The following CA1 variants were observed in gnomAD, a reference collection of about 807,000 sequenced individuals.
CA1 encodes carbonic anhydrase 1.
CA1 carries 27 observed loss-of-function variants against 28.8 expected under a neutral mutation model. That is an observed-to-expected ratio of 0.94 (90% CI 0.69 to 1.29). The LOEUF (loss-of-function observed/expected upper bound fraction) is 1.29, where lower values mean the gene tolerates loss of function less well. CA1 is among the 50% of genes most tolerant of loss of function. The pLI, the probability that CA1 is intolerant of heterozygous loss-of-function variation, is 0.00. For missense variants in CA1, 335 were observed against 310.5 expected, an observed-to-expected ratio of 1.08 and a Z score of -0.59; for synonymous variants, 121 against 108.8, an observed-to-expected ratio of 1.11 and a Z score of -0.70.
At chr8:85,336,180 CATG>C (rs756514641) in intron 4 of CA1, among the ~76,000 whole-genome samples, 4 of 151,934 alleles carry the variant, frequency 2.6e-5, no homozygotes, top group African/African-American at 7.3e-5. Flanking sequence ...TAAAAATTGT[CATG>C]ATAAGTGGGT....
At chr8:85,355,034 G>T (rs1809552428) in intron 1 of CA1, among the ~76,000 whole-genome samples, 1 of 152,130 alleles carries the variant, frequency 6.6e-6, no homozygotes, top group South Asian at 2.1e-4. Context: ...CCTGTGTCAG[G>T]ATGTATGTCC....
intron 1 of CA1, among the ~76,000 whole-genome samples, chr8:85,352,977 T>C (rs1435885627): frequency 4.6e-5 from 7 of 152,174 alleles, no homozygotes; most frequent in Non-Finnish European, 1.0e-4. Flanking sequence ...CTCAAGTGAC[T>C]GCTTAGACCA....
rs755226241 is a variant in CA1, at chr8:85,329,814, G to A, written c.544C>T (p.Pro182Ser). 9 of 1,598,644 alleles carry A rather than the reference G, an allele frequency of 5.6e-6. No individual in the cohort carries two copies. The African/African-American group carries it at 1.2e-4, about 21-fold the overall frequency. The change falls in exon 7 of 8, where the codon CCC becomes TCC. Residue 182 changes from proline to serine, a missense_variant. Transcript: ENST00000523022. Reference protein sequence around the residue: ...GKRAPFTNFDPSTLLPSSLDF... With the variant: ...GKRAPFTNFDSSTLLPSSLDF... ...AGGGATGAAGGAAGGAGAGTAGAGGGGTCAAAATTTGTGAATGGGGCTCGT... is the reference window on the plus strand; with the variant it reads ...AGGGATGAAGGAAGGAGAGTAGAGGAGTCAAAATTTGTGAATGGGGCTCGT...
Position 85,327,921 on chromosome 8 carries a change from C to T in CA1, c.*639G>A, listed in dbSNP as rs1564015607. 2 of 152,144 alleles carry T rather than the reference C, an allele frequency of 1.3e-5. No homozygotes were observed. Among genetic ancestry groups the T allele is most frequent in the Non-Finnish European group, 1.5e-5 (1 of 68,042 alleles). The allele number at this position is 152,144 out of a possible 1,614,324, so 9.4% of individuals were successfully genotyped here. A position where few individuals can be genotyped will look rare whatever the true frequency, so the allele number is the denominator to read the frequency against. On this transcript the variant is annotated 3_prime_UTR_variant, in exon 8 of 8. Transcript: ENST00000523022. Reference sequence around the variant, plus strand: ...GGCAGAGAAGCATTGTCCTTGCTAACGTGGGGAGAAGAAGTGAAAGCAATA... The same window carrying T: ...GGCAGAGAAGCATTGTCCTTGCTAATGTGGGGAGAAGAAGTGAAAGCAATA...
At chr8:85,352,920 C>A (rs750177142) in intron 1 of CA1, among the ~76,000 whole-genome samples, 2 of 152,246 alleles carry the variant, frequency 1.3e-5, no homozygotes, top group African/African-American at 4.8e-5. Flanking sequence ...GGACCTCTTA[C>A]ACCATCCTAT....
rs1435619914 is a variant in CA1, at chr8:85,365,939, G to A, written c.-25+12107C>T. Among the ~76,000 whole-genome samples, 3 of 152,168 alleles carry A rather than the reference G, an allele frequency of 2.0e-5. No homozygotes were observed. In the South Asian group the frequency reaches 6.2e-4, roughly 32 times the overall value. On this transcript the variant is annotated intron_variant, in intron 1 of 7. Coordinates refer to ENST00000523022, the MANE Select transcript of CA1 (RefSeq NM_001128831.4). ...GGTACAGGGTTGATGTTTTGCCCTG[G>A]GATAAGGAACTCAGAACCCTTGGCT...
At chr8:85,337,330 A>G (rs1436981078) in intron 3 of CA1, 9 of 446,514 alleles carry the variant, frequency 2.0e-5, no homozygotes, top group African/African-American at 4.0e-5. Context: ...TCTAACTCCT[A>G]GAAAGCATAT....
In CA1 at chr8:85,328,628, C is replaced by G. The variant is rs1342801960; in HGVS notation, c.718G>C (p.Val240Leu). Residue 240 changes from valine to leucine, a missense_variant, in exon 8 of 8, where the codon GTC becomes CTC. Transcript: ENST00000523022. ...GGGCGGTTGTTGTGCTGCATGGGGA[C>G]AGCGTTATCACCTTCAACATTTGAT... ...LLSNVEGDNA[V>L]PMQHNNRPTQ... The G allele has an allele frequency of 1.9e-6, 3 of 1,611,486 alleles. No individual in the cohort carries two copies. Among genetic ancestry groups the G allele is most frequent in the Non-Finnish European group, 2.5e-6 (3 of 1,178,246 alleles).
intron 1 of CA1, among the ~76,000 whole-genome samples, chr8:85,372,998 G>A (rs780639497): frequency 3.3e-5 from 5 of 152,212 alleles, no homozygotes; most frequent in Non-Finnish European, 7.3e-5. Context: ...GAAGCCATCA[G>A]TCCTTCCTTT....
intron 1 of CA1, among the ~76,000 whole-genome samples, chr8:85,362,285 C>A (rs1268308587): frequency 1.3e-5 from 2 of 152,144 alleles, no homozygotes; most frequent in Non-Finnish European, 2.9e-5. Context: ...GAATAATCTC[C>A]CATCTCAGGA....
intron 1 of CA1, among the ~76,000 whole-genome samples, chr8:85,351,529 CA>C (rs1285908693): frequency 6.6e-6 from 1 of 152,156 alleles, no homozygotes; most frequent in Non-Finnish European, 1.5e-5. Context: ...GACATCCACT[CA>C]AAAAACAGCC....
intron 1 of CA1, among the ~76,000 whole-genome samples, chr8:85,351,514 A>G (rs763372257): frequency 6.6e-6 from 1 of 152,240 alleles, no homozygotes; most frequent in Non-Finnish European, 1.5e-5. Flanking sequence ...GTATGAGATG[A>G]GTATGACATC....
chr8:85,337,094 G>T, intron 3 of CA1, 31 bp from the exon 4 acceptor site: 1 of 1,165,896 alleles, frequency 8.6e-7, no homozygotes, highest in Non-Finnish European at 1.3e-6. Flanking sequence ...TTGTTAGCCT[G>T]ATGCTCCACA....
chr8:85,338,016 G>A, intron 3 of CA1: 1 of 661,198 alleles, frequency 1.5e-6, no homozygotes, highest in Non-Finnish European at 2.8e-6. Context: ...GGAATGACGA[G>A]AAGAGACGTG....
At chr8:85,352,665 C>T (rs957436596) in intron 1 of CA1, among the ~76,000 whole-genome samples, 4 of 141,240 alleles carry the variant, frequency 2.8e-5, no homozygotes. Context: ...CCCTCAGCTC[C>T]ATTTTTTTTT....
chr8:85,339,390 T>C (rs576348831), intron 2 of CA1, among the ~76,000 whole-genome samples: 4 of 152,322 alleles, frequency 2.6e-5, no homozygotes, highest in Non-Finnish European at 4.4e-5. Flanking sequence ...CCATAAACCA[T>C]GTCCAAGTAA....
chr8:85,336,828 C>T, intron 4 of CA1, 117 bp downstream of exon 4: 1 of 764,384 alleles, frequency 1.3e-6, no homozygotes, highest in Non-Finnish European at 2.4e-6. Context: ...CTGGGAGTTC[C>T]TTACTGGAAT....
chr8:85,359,753 G>A (rs1247266913), intron 1 of CA1, among the ~76,000 whole-genome samples: 1 of 152,230 alleles, frequency 6.6e-6, no homozygotes. Context: ...TAACTTGGTA[G>A]GTATTATAAC....
intron 1 of CA1, among the ~76,000 whole-genome samples, chr8:85,343,434 A>G (rs181705146): frequency 3.9e-5 from 6 of 152,000 alleles, no homozygotes; most frequent in African/African-American, 1.2e-4. Context: ...AGTTGATTCT[A>G]TTTTCTGGAG....
Sources: gnomAD v4.1 joint callset for allele counts (sites outside exome capture counted in the v4.1 genomes callset) on GRCh38, gnomAD v4.1.1 for gene constraint, MANE v1.5 for transcripts, NCBI Gene and HGNC (gene_info 2026-07-23, HGNC 2026-07-21) for gene names.